ABCA13: variants seen among roughly 807,000 people sequenced by gnomAD.
ABCA13 encodes ATP binding cassette subfamily A member 13, also known as ATP-binding cassette sub-family A member 13.
Under a neutral mutation model 478.7 loss-of-function variants are expected in ABCA13, and 476 were observed. The ratio of observed to expected loss-of-function variants is 0.99; its 90% CI spans 0.92 to 1.07. The LOEUF (loss-of-function observed/expected upper bound fraction) is 1.07, where lower values mean the gene tolerates loss of function less well. ABCA13 is among the 50% of genes least tolerant of loss of function. ABCA13 has a pLI of 0.00. For synonymous variants in ABCA13, 2,252 were observed against 2,158.9 expected (o/e 1.04, Z -1.20); for missense variants, 6,060 against 5,910.6 (o/e 1.03, Z -0.83).
At chr7:48,479,746 T>C (rs979055749) in intron 45 of ABCA13, among the ~76,000 whole-genome samples, 5 of 152,254 alleles carry the variant, frequency 3.3e-5, no homozygotes, top group South Asian at 2.1e-4. Flanking sequence ...TGAATTATTA[T>C]GTACAACAAT....
chr7:48,393,890 C>T (rs1816441428), intron 38 of ABCA13, among the ~76,000 whole-genome samples: 1 of 152,192 alleles, frequency 6.6e-6, no homozygotes, highest in Non-Finnish European at 1.5e-5. Context: ...CTGCATCATG[C>T]CTCTGTAGAG....
At chr7:48,232,901 AAG>A (rs1479316269) in intron 7 of ABCA13, among the ~76,000 whole-genome samples, 2 of 152,162 alleles carry the variant, frequency 1.3e-5, no homozygotes, top group Non-Finnish European at 2.9e-5. Flanking sequence ...CTCTAAGAAA[AAG>A]GGGATAATTA....
chr7:48,248,528 C>A, intron 14 of ABCA13, 84 bp downstream of exon 14: 2 of 1,102,278 alleles, frequency 1.8e-6, no homozygotes, highest in East Asian at 2.4e-5. Flanking sequence ...AATGATAGAT[C>A]AATATGGTAG....
chr7:48,400,489 T>C (rs985832831), intron 38 of ABCA13, among the ~76,000 whole-genome samples: 2 of 152,232 alleles, frequency 1.3e-5, no homozygotes, highest in East Asian at 1.9e-4. Context: ...AATTTGGAAA[T>C]GTAACTTTGA....
At chr7:48,409,704 C>T (rs548460962) in intron 39 of ABCA13, among the ~76,000 whole-genome samples, 1 of 152,234 alleles carries the variant, frequency 6.6e-6, no homozygotes, top group East Asian at 1.9e-4. Context: ...TGCCTTAACT[C>T]AGTGCTATGA....
chr7:48,502,219 C>A (rs1429253336), intron 48 of ABCA13, among the ~76,000 whole-genome samples: 1 of 152,108 alleles, frequency 6.6e-6, no homozygotes, highest in East Asian at 1.9e-4. Context: ...ATCATTTCAC[C>A]AGCGAGATGG....
chr7:48,583,277 T>A (rs1168098980), intron 56 of ABCA13, among the ~76,000 whole-genome samples: 1 of 152,192 alleles, frequency 6.6e-6, no homozygotes, highest in Non-Finnish European at 1.5e-5. Context: ...GAGCTAGAAT[T>A]TATAAGATAG....
chr7:48,236,211 G>A (rs1006267630), intron 8 of ABCA13, among the ~76,000 whole-genome samples: 2 of 152,072 alleles, frequency 1.3e-5, no homozygotes, highest in African/African-American at 2.4e-5. Context: ...GTGAGGGGAG[G>A]AAATATATGG....
intron 23 of ABCA13, among the ~76,000 whole-genome samples, chr7:48,300,020 A>G (rs923280333): frequency 8.5e-5 from 13 of 152,214 alleles, no homozygotes; most frequent in African/African-American, 2.9e-4. Context: ...TTGATGGTTA[A>G]GTATATCCAT....
At chr7:48,539,232 T>A (rs908770450) in intron 55 of ABCA13, among the ~76,000 whole-genome samples, 1 of 151,542 alleles carries the variant, frequency 6.6e-6, no homozygotes, top group African/African-American at 2.4e-5. Flanking sequence ...ATACAAAAAT[T>A]AGCCAATCTC....
chr7:48,467,103 T>C, intron 44 of ABCA13, 58 bp downstream of exon 44: 1 of 1,483,282 alleles, frequency 6.7e-7, no homozygotes, highest in South Asian at 1.1e-5. Context: ...TATTGTAGCC[T>C]GGGAGGACTG....
At chr7:48,363,054 T>C (rs1811129627) in intron 31 of ABCA13, among the ~76,000 whole-genome samples, 2 of 152,176 alleles carry the variant, frequency 1.3e-5, no homozygotes, top group South Asian at 4.1e-4. Context: ...GTCTTGCTTT[T>C]ACAGGAAAAT....
intron 1 of ABCA13, among the ~76,000 whole-genome samples, chr7:48,191,489 C>G (rs1053549491): frequency 6.6e-6 from 1 of 152,224 alleles, no homozygotes; most frequent in African/African-American, 2.4e-5. Flanking sequence ...CTGCAACCTC[C>G]ACCTCCCGGG....
intron 15 of ABCA13, 93 bp downstream of exon 15, chr7:48,249,444 G>T: frequency 6.5e-7 from 1 of 1,531,446 alleles, no homozygotes; most frequent in Non-Finnish European, 8.8e-7. Flanking sequence ...ATTTAACAAA[G>T]CGGGGCTTAA....
At chr7:48,391,133 G>A (rs943634974) in intron 37 of ABCA13, among the ~76,000 whole-genome samples, 1 of 152,202 alleles carries the variant, frequency 6.6e-6, no homozygotes, top group South Asian at 2.1e-4. Flanking sequence ...TTGATTTCTT[G>A]TGGTTTTAAC....
At chr7:48,248,171 C>A in intron 13 of ABCA13, 68 bp from the exon 14 acceptor site, 1 of 1,337,460 alleles carries the variant, frequency 7.5e-7, no homozygotes, top group Non-Finnish European at 1.0e-6. Context: ...AGGGTCAAGG[C>A]TGCGTCTCAA....
intron 15 of ABCA13, among the ~76,000 whole-genome samples, chr7:48,264,397 T>C (rs747194168): frequency 3.9e-4 from 59 of 152,032 alleles, no homozygotes; most frequent in Non-Finnish European, 5.0e-4. Context: ...TACACTCCCA[T>C]TGGCAGTGCA....
intron 38 of ABCA13, among the ~76,000 whole-genome samples, chr7:48,397,851 T>G (rs1817054499): frequency 6.6e-6 from 1 of 152,202 alleles, no homozygotes; most frequent in South Asian, 2.1e-4. Context: ...CGAAGTCCAT[T>G]GTTAAAGTGA....
chr7:48,227,227 G>A (rs1195266442), intron 5 of ABCA13, 35 bp from the exon 6 acceptor site: 3 of 1,609,132 alleles, frequency 1.9e-6, no homozygotes, highest in Non-Finnish European at 2.5e-6. Context: ...TAAAACTCCA[G>A]AGGGAAACTT....
Sources: allele counts gnomAD v4.1 joint callset (sites outside exome capture counted in the v4.1 genomes callset), GRCh38; gene constraint gnomAD v4.1.1; transcripts MANE v1.5; gene names NCBI Gene and HGNC (gene_info 2026-07-23, HGNC 2026-07-21).